Variants in RBFOX1 observed in about 807,000 individuals in gnomAD.
The protein encoded by RBFOX1 is RNA binding fox-1 homolog 1.
A neutral mutation model predicts 57.7 loss-of-function variants in RBFOX1; 8 were observed. The observed-to-expected ratio is 0.14, with a 90% CI of 0.08 to 0.25. The LOEUF is 0.25. Ranked by LOEUF, RBFOX1 falls within the 10% of genes least tolerant of loss-of-function variation. The pLI is 1.00. For missense variants in RBFOX1, 611 were observed against 548.5 expected (o/e 1.11, Z -1.14); for synonymous variants, 326 against 222.4 (o/e 1.47, Z -4.15).
At chr16:5,826,393 G>C (rs2056056617) in intron 3 of RBFOX1, among the ~76,000 whole-genome samples, 1 of 152,130 alleles carries the variant, frequency 6.6e-6, no homozygotes, top group Non-Finnish European at 1.5e-5. Context: ...CAGTGTTTCA[G>C]ATGTTTTGAA....
chr16:5,349,496 A>G (rs972002697), intron 1 of RBFOX1, among the ~76,000 whole-genome samples: 1 of 152,090 alleles, frequency 6.6e-6, no homozygotes, highest in African/African-American at 2.4e-5. Context: ...CAACATGGCG[A>G]TCCTATCTCT....
chr16:7,004,523 G>GA (rs2093128797), intron 3 of RBFOX1, among the ~76,000 whole-genome samples: 1 of 152,202 alleles, frequency 6.6e-6, no homozygotes, highest in Admixed American at 6.5e-5. Context: ...CACTCCAAGA[G>GA]AGAGACCATC....
At chr16:7,542,242 A>C (rs2083150982) in intron 5 of RBFOX1, among the ~76,000 whole-genome samples, 1 of 152,164 alleles carries the variant, frequency 6.6e-6, no homozygotes, top group Non-Finnish European at 1.5e-5. Context: ...AAAGAAAATA[A>C]TTCCTTTTAA....
intron 4 of RBFOX1, among the ~76,000 whole-genome samples, chr16:7,345,037 A>G (rs2096968313): frequency 6.6e-6 from 1 of 151,192 alleles, no homozygotes; most frequent in South Asian, 2.1e-4. Context: ...TGTGGTGACA[A>G]AGGCTGAGGA....
intron 3 of RBFOX1, among the ~76,000 whole-genome samples, chr16:5,813,399 T>A (rs1451253154): frequency 6.6e-6 from 1 of 152,130 alleles, no homozygotes; most frequent in African/African-American, 2.4e-5. Context: ...TCATACCCAT[T>A]CCTCCCCGGC....
chr16:6,596,981 GAGC>G (rs1182940604), intron 2 of RBFOX1, among the ~76,000 whole-genome samples: 5 of 152,110 alleles, frequency 3.3e-5, no homozygotes, highest in African/African-American at 1.2e-4. Flanking sequence ...CTGAATGAAT[GAGC>G]TCTCGAGAGG....
Position 5,631,556 on chromosome 16 carries a change from T to TAA in RBFOX1, c.318+32609_318+32610dup, listed in dbSNP as rs1156896003. Among the ~76,000 whole-genome samples the TAA allele has an allele frequency of 9.3e-5, 13 of 139,232 alleles. No individual in the cohort carries two copies. In the East Asian group the frequency reaches 2.3e-3, roughly 25 times the overall value. The allele number at this position is 139,232 out of a possible 152,430, so 91.3% of individuals were successfully genotyped here. A position where few individuals can be genotyped will look rare whatever the true frequency, so the allele number is the denominator to read the frequency against. On this transcript the variant is annotated intron_variant, in intron 3 of 19. Coordinates refer to the RBFOX1 transcript ENST00000641259. ...TGGTGACAGACCGAGACTCCATATT[T>TAA]AAAAAAAAAAAAAAAGTGTCTCTTC...
intron 3 of RBFOX1, among the ~76,000 whole-genome samples, chr16:6,882,155 C>T (rs1381423203): frequency 6.6e-6 from 1 of 152,094 alleles, no homozygotes; most frequent in Admixed American, 6.5e-5. Context: ...TTAGATGCCT[C>T]ATTAATTCTG....
intron 11 of RBFOX1, among the ~76,000 whole-genome samples, chr16:7,649,045 T>C (rs972921913): frequency 6.6e-6 from 1 of 152,170 alleles, no homozygotes; most frequent in African/African-American, 2.4e-5. Flanking sequence ...AGAGGATTCT[T>C]GGATCTTGTG....
At chr16:7,113,233 T>G (rs903944708) in intron 4 of RBFOX1, among the ~76,000 whole-genome samples, 1 of 152,072 alleles carries the variant, frequency 6.6e-6, no homozygotes, top group Non-Finnish European at 1.5e-5. Context: ...TTCTGTGGAG[T>G]TGATTTGAAT....
At chr16:6,173,398 C>G (rs75509630) in intron 1 of RBFOX1, among the ~76,000 whole-genome samples, 7 of 152,084 alleles carry the variant, frequency 4.6e-5, no homozygotes, top group Non-Finnish European at 1.0e-4. Flanking sequence ...GTTAGTGTTA[C>G]GTGTTATTTG....
intron 2 of RBFOX1, among the ~76,000 whole-genome samples, chr16:6,400,420 C>T (rs935499918): frequency 6.6e-6 from 1 of 152,102 alleles, no homozygotes; most frequent in African/African-American, 2.4e-5. Flanking sequence ...TATCTCAAGG[C>T]TTATGGGATC....
At chr16:6,971,002 A>G (rs992081293) in intron 3 of RBFOX1, among the ~76,000 whole-genome samples, 3 of 152,182 alleles carry the variant, frequency 2.0e-5, no homozygotes, top group Non-Finnish European at 4.4e-5. Context: ...AATGTTTAAC[A>G]GTTTCCTTCA....
At chr16:7,255,958 G>A (rs1480879799) in intron 4 of RBFOX1, among the ~76,000 whole-genome samples, 2 of 152,120 alleles carry the variant, frequency 1.3e-5, no homozygotes, top group Admixed American at 6.6e-5. Flanking sequence ...GTTCACTTTG[G>A]GATGGGGTGA....
intron 2 of RBFOX1, among the ~76,000 whole-genome samples, chr16:6,394,473 A>T (rs997516084): frequency 4.0e-5 from 6 of 151,156 alleles, no homozygotes; most frequent in Non-Finnish European, 7.4e-5. Flanking sequence ...AAAGAACCTT[A>T]AATTTACCCC....
chr16:7,189,301 C>T (rs530781288), intron 4 of RBFOX1, among the ~76,000 whole-genome samples: 28 of 151,608 alleles, frequency 1.8e-4, no homozygotes, highest in Non-Finnish European at 3.8e-4. Flanking sequence ...TGGCGGGCGC[C>T]TGAAGTCACA....
chr16:5,400,377 G>A (rs990220389), intron 1 of RBFOX1, among the ~76,000 whole-genome samples: 3 of 152,082 alleles, frequency 2.0e-5, no homozygotes, highest in African/African-American at 7.2e-5. Context: ...ACAGGCGTGA[G>A]CCACCACACC....
At chr16:6,042,152 G>T (rs1408630558) in intron 1 of RBFOX1, among the ~76,000 whole-genome samples, 1 of 150,778 alleles carries the variant, frequency 6.6e-6, no homozygotes, top group African/African-American at 2.4e-5. Context: ...CAGAGCTGGA[G>T]TGCAGTGGTG....
rs1293896105 is a variant in RBFOX1, at chr16:7,607,388, C to G, written c.676+50C>G. ...GTCTTCTCAGTCTTTTCTAAATGTG[C>G]TTTGCCTGCCAAGAATGAATGAGTT... is the stretch of plus-strand genomic sequence containing the variant. On this transcript the variant is annotated intron_variant, in intron 10 of 15. Coordinates refer to ENST00000550418, the MANE Select transcript of RBFOX1 (RefSeq NM_018723.4). 6 of 1,513,262 alleles carry G rather than the reference C, an allele frequency of 4.0e-6. No individual in the cohort carries two copies. The African/African-American group carries it at 4.1e-5, about 10-fold the overall frequency. 93.7% of individuals were successfully genotyped at this position (1,513,262 alleles called of 1,614,324 possible).
Sources: gnomAD v4.1 joint callset for allele counts (sites outside exome capture counted in the v4.1 genomes callset) on GRCh38, gnomAD v4.1.1 for gene constraint, MANE v1.5 for transcripts, NCBI Gene and HGNC (gene_info 2026-07-23, HGNC 2026-07-21) for gene names.